Variants in ZNF836 observed in about 807,000 individuals in gnomAD.
ZNF836 encodes the protein zinc finger protein 836.
ZNF836 carries 12 observed loss-of-function variants against 7.4 expected under a neutral mutation model. The observed-to-expected ratio is 1.61, with a 90% confidence interval of 1.03 to 2.61. ZNF836 has a LOEUF of 2.61. Among genes scored for constraint, ZNF836 ranks in the 30% most tolerant of loss-of-function variants. The probability of loss-of-function intolerance (pLI) is 0.00; values close to 1 mark genes in which losing one functional copy is unlikely to be tolerated. For missense variants in ZNF836, 998 were observed against 1,126.2 expected (o/e 0.89, Z 1.63); for synonymous variants, 365 against 382.6 (o/e 0.95, Z 0.54).
intron 3 of ZNF836, among the ~76,000 whole-genome samples, chr19:52,167,048 T>C (rs1339388217): frequency 6.6e-6 from 1 of 152,024 alleles, no homozygotes; most frequent in African/African-American, 2.4e-5. Flanking sequence ...CTCCTACATC[T>C]GAGCAAAATT....
chr19:52,164,863 G>A (rs190116511), intron 3 of ZNF836, among the ~76,000 whole-genome samples: 97 of 152,312 alleles, frequency 6.4e-4, no homozygotes, highest in Middle Eastern at 3.4e-3. Context: ...TAAGGCAAGC[G>A]GATGACTTGA....
In ZNF836 at chr19:52,157,026, C is replaced by T. The variant is rs1366245; in HGVS notation, c.657G>A (p.Met219Ile). 470,017 of 1,613,738 alleles carry T rather than the reference C, an allele frequency of 0.29. 77,699 individuals carry two copies. Among genetic ancestry groups the T allele is most frequent in the East Asian group, 0.58 (26,023 of 44,856 alleles). Residue 219 changes from methionine (M) to isoleucine (I), a missense_variant, in exon 5 of 5, where the codon ATG becomes ATA. Physicochemically the swap from Met to Ile is conservative, Grantham distance 10. Coordinates refer to ENST00000682614, the MANE Select transcript of ZNF836 (RefSeq NM_001102657.3). ...TAAAGGCTTTGCCACACCCTTTACA[C>T]ATATAAGGTTTTTCCCTAATGTGTG... ...EKTHIREKPY[M>I]CKGCGKAFRV...
rs1374362660 is a variant in ZNF836, at chr19:52,155,176, C to T, written c.2507G>A (p.Cys836Tyr). Residue 836 changes from cysteine to tyrosine, a missense_variant, in exon 5 of 5, where the codon TGT (cysteine) becomes TAT (tyrosine). Transcript: ENST00000682614. The part of the protein sequence containing the change: ...KMHTGDKPYK[C>Y]NECGKAFIER... The stretch of plus-strand genomic sequence containing the variant: ...AATAAAAGCTTTACCACATTCATTA[C>T]ATTTGTAAGGTTTGTCCCCAGTATG... The T allele has an allele frequency of 6.2e-7, 1 of 1,614,068 alleles. No individual in the cohort carries two copies.
intron 3 of ZNF836, among the ~76,000 whole-genome samples, chr19:52,166,313 A>AT (rs143940086): frequency 4.6e-5 from 7 of 151,016 alleles, no homozygotes; most frequent in African/African-American, 1.7e-4. Flanking sequence ...AAGATTATAA[A>AT]TTTTTTTTTA....
intron 3 of ZNF836, among the ~76,000 whole-genome samples, chr19:52,165,842 G>A (rs558367338): frequency 6.6e-6 from 1 of 152,022 alleles, no homozygotes; most frequent in African/African-American, 2.4e-5. Flanking sequence ...ATAACTCTTT[G>A]CATTTCCATT....
Position 52,155,754 on chromosome 19 carries a change from G to T in ZNF836, c.1929C>A (p.Cys643Ter), listed in dbSNP as rs755279844. 3 of 1,613,532 alleles carry T rather than the reference G, an allele frequency of 1.9e-6. No homozygotes were observed. The highest frequency in any genetic ancestry group is 1.7e-5 in the Admixed American group (1 of 59,968). ...ATGAGTAGTAACTGAAAACCTTGCCGCATTCGTTACATTGAAACGGCTTCT... is the reference window on the plus strand; with the variant it reads ...ATGAGTAGTAACTGAAAACCTTGCCTCATTCGTTACATTGAAACGGCTTCT... ...TGEKPFQCNE[C>*]GKVFSYYSCL... Residue 643 changes from cysteine to a stop codon, truncating the protein, a stop_gained, in exon 5 of 5, where the codon TGC (cysteine) becomes TGA (stop). Transcript: ENST00000682614. LOFTEE classifies it low-confidence loss of function (END_TRUNC).
chr19:52,159,027 GT>G (rs2089191175), intron 4 of ZNF836, among the ~76,000 whole-genome samples: 1 of 152,082 alleles, frequency 6.6e-6, no homozygotes, highest in Admixed American at 6.5e-5. Flanking sequence ...CACAGAAAGA[GT>G]TAGTCATGAT....
rs774122544 is a variant in ZNF836 at position 52,155,730 on chromosome 19, T to A, written c.1953A>T (p.Ser651=). 21 of 1,614,168 alleles carry A rather than the reference T, an allele frequency of 1.3e-5. No individual in the cohort carries two copies. Among genetic ancestry groups the A allele is most frequent in the Non-Finnish European group, 1.4e-5 (17 of 1,180,014 alleles). ...NECGKVFSYY[S]CLARHRKIHT... ...GAATTTTCCGATGACGTGCTAGGCA[T>A]GAGTAGTAACTGAAAACCTTGCCGC... Residue 651 remains serine, a synonymous_variant, in exon 5 of 5, where the codon TCA becomes TCT. Transcript: ENST00000682614.
rs1477683170 is a variant in ZNF836 at position 52,161,786 on chromosome 19, T to A, written c.16-1195A>T. On this transcript the variant is annotated intron_variant, in intron 3 of 4. Coordinates refer to ENST00000682614, the MANE Select transcript of ZNF836 (RefSeq NM_001102657.3). The surrounding 1 kb of genome is among the most constrained non-coding windows in gnomAD (Gnocchi z 4.1). ...CTACAACCAATTCAAAAGCCTATAG[T>A]CTAGAGTTGTATCTAACTATAATCT... 6.6e-6 allele frequency among the ~76,000 whole-genome samples: 1 copy of A among 152,134 alleles called. No individual in the cohort carries two copies. Among genetic ancestry groups the A allele is most frequent in the Non-Finnish European group, 1.5e-5 (1 of 68,024 alleles).
chr19:52,155,168 A>G lies in ZNF836; in HGVS notation c.2515T>C (p.Cys839Arg), dbSNP rs1184782502. ...GACCTTTCAATAAAAGCTTTACCAC[A>G]TTCATTACATTTGTAAGGTTTGTCC... Reference protein sequence around the residue: ...TGDKPYKCNECGKAFIERSKL... With the variant: ...TGDKPYKCNERGKAFIERSKL... The change falls in exon 5 of 5, where the codon TGT (cysteine) becomes CGT (arginine). Residue 839 changes from cysteine (C) to arginine (R), a missense_variant. Physicochemically the swap from Cys to Arg is radical, Grantham distance 180. Coordinates refer to ENST00000682614, the MANE Select transcript of ZNF836 (RefSeq NM_001102657.3). 1.2e-6 allele frequency: 2 copies of G among 1,614,112 alleles called. No homozygotes were observed. Among genetic ancestry groups the G allele is most frequent in the East Asian group, 2.2e-5 (1 of 44,886 alleles).
At position 52,156,132 on chromosome 19, in the gene ZNF836, C is replaced by T. The variant is rs572559378; in HGVS notation, c.1551G>A (p.Lys517=). The change falls in exon 5 of 5, where the codon AAG becomes AAA. Residue 517 remains lysine, a synonymous_variant. Transcript: ENST00000682614. The part of the protein sequence containing the change: ...FKQGSLLTRH[K]IIHTREKRYQ... Reference sequence around the variant, plus strand: ...AACGTTTCTCTCTGGTATGAATTATCTTATGTCGAGTGAGTAATGAGCCCT... The same window carrying T: ...AACGTTTCTCTCTGGTATGAATTATTTTATGTCGAGTGAGTAATGAGCCCT... The T allele has an allele frequency of 1.9e-6, 3 of 1,614,124 alleles. No homozygotes were observed. In the South Asian group the frequency reaches 3.3e-5, roughly 18 times the overall value.
At chr19:52,166,770 G>A (rs574512348) in intron 3 of ZNF836, among the ~76,000 whole-genome samples, 74 of 150,874 alleles carry the variant, frequency 4.9e-4, no homozygotes, top group African/African-American at 1.6e-3. Context: ...TAGTAGAGAC[G>A]GGGTTTCACC....
chr19:52,156,928 C>T lies in ZNF836; in HGVS notation c.755G>A (p.Gly252Asp), dbSNP rs868544642. Reference sequence around the variant, plus strand: ...TAGTGAGCCCCGATGAAAGGCTTTGCCACATTCATTGCATTTGTAAGGTTT... The same window carrying T: ...TAGTGAGCCCCGATGAAAGGCTTTGTCACATTCATTGCATTTGTAAGGTTT... ...TEKPYKCNEC[G>D]KAFHRGSLLT... The change falls in exon 5 of 5, where the codon GGC becomes GAC. Residue 252 changes from glycine (G) to aspartate (D), a missense_variant. By Grantham distance (94) the Gly-to-Asp change is moderately conservative (BLOSUM62 -1). Transcript: ENST00000682614. 1 of 1,614,132 alleles carries T rather than the reference C, an allele frequency of 6.2e-7. No individual in the cohort carries two copies. Among genetic ancestry groups the T allele is most frequent in the Non-Finnish European group, 8.5e-7 (1 of 1,180,020 alleles).
At position 52,155,016 on chromosome 19, in the gene ZNF836, AG is replaced by A; in HGVS notation, c.2666del (p.Pro889LeufsTer39). On this transcript the variant is annotated frameshift_variant, in exon 5 of 5. Coordinates refer to ENST00000682614, the MANE Select transcript of ZNF836 (RefSeq NM_001102657.3). LOFTEE classifies it low-confidence loss of function (END_TRUNC). The part of the protein sequence containing the change: ...KHQMIHSGEK[P>X]YKCNECGKSF... Reference sequence around the variant, plus strand: ...ATTTGCCACACTCATTACATTTATAAGGTTTTTCTCCAGAATGAATCATTTG... The same window carrying A: ...ATTTGCCACACTCATTACATTTATAAGTTTTTCTCCAGAATGAATCATTTG... 6.2e-7 allele frequency: 1 copy of A among 1,614,076 alleles called. No homozygotes were observed. Among genetic ancestry groups the A allele is most frequent in the Non-Finnish European group, 8.5e-7 (1 of 1,179,954 alleles).
chr19:52,163,277 C>T (rs1413766228), intron 3 of ZNF836, among the ~76,000 whole-genome samples: 2 of 152,190 alleles, frequency 1.3e-5, no homozygotes, highest in African/African-American at 4.8e-5. Context: ...TTGGTTTTCT[C>T]TCCTAAATAC....
At position 52,156,906 on chromosome 19, in the gene ZNF836, T is replaced by A. The variant is rs1157764761; in HGVS notation, c.777A>T (p.Ser259=). Residue 259 remains serine (S), a synonymous_variant, in exon 5 of 5, where the codon TCA becomes TCT. Transcript: ENST00000682614. The part of the protein sequence containing the change: ...NECGKAFHRG[S]LLTIHQIVHT... ...GGACTATCTGATGTATAGTTAGTAG[T>A]GAGCCCCGATGAAAGGCTTTGCCAC... 3 of 1,614,082 alleles carry A rather than the reference T, an allele frequency of 1.9e-6. No individual in the cohort carries two copies. Among genetic ancestry groups the A allele is most frequent in the Admixed American group, 3.3e-5 (2 of 59,996 alleles).
At chr19:52,167,877 T>C (rs531672477) in intron 3 of ZNF836, among the ~76,000 whole-genome samples, 181 bp downstream of exon 3, 3 of 152,238 alleles carry the variant, frequency 2.0e-5, no homozygotes, top group Admixed American at 6.5e-5. Context: ...CCCAAGTTAA[T>C]GTCACTGGGT....
rs1164450681 is a variant in ZNF836 at position 52,160,257 on chromosome 19, A to G, written c.142+208T>C. On this transcript the variant is annotated intron_variant, in intron 4 of 4. Transcript: ENST00000682614. The stretch of plus-strand genomic sequence containing the variant: ...AATATGGGAATTCTACTAAGGGCAC[A>G]GGACAACAAGGGAAGACATTCAAAA... The G allele has an allele frequency of 8.0e-6, 5 of 621,604 alleles. No individual in the cohort carries two copies. The East Asian group carries it at 1.4e-4, about 17-fold the overall frequency. 38.5% of individuals were successfully genotyped at this position (621,604 alleles called of 1,614,324 possible). A position where few individuals can be genotyped will look rare whatever the true frequency, so the allele number is the denominator to read the frequency against.
intron 3 of ZNF836, chr19:52,165,487 C>A (rs1410663531): frequency 6.6e-6 from 1 of 152,204 alleles, no homozygotes. Context: ...AGAACATTCA[C>A]TGAAGAATTG....
Sources: gnomAD v4.1 joint callset for allele counts (sites outside exome capture counted in the v4.1 genomes callset) on GRCh38, gnomAD v4.1.1 for gene constraint, Gnocchi (gnomAD v3.1) non-coding constraint, MANE v1.5 for transcripts, NCBI Gene and HGNC (gene_info 2026-07-23, HGNC 2026-07-21) for gene names.